MCHR1: variants seen among roughly 807,000 people sequenced by gnomAD.
The protein encoded by MCHR1 is melanin concentrating hormone receptor 1.
MCHR1 carries 13 observed loss-of-function variants against 20.4 expected under a neutral mutation model. The ratio of observed to expected loss-of-function variants is 0.64; its 90% CI spans 0.41 to 1.01. The LOEUF (loss-of-function observed/expected upper bound fraction) is 1.01, where lower values mean the gene tolerates loss of function less well. MCHR1 is among the 50% of genes least tolerant of loss of function. MCHR1 has a pLI of 0.00. For synonymous variants in MCHR1, 215 were observed against 204.4 expected (o/e 1.05, Z -0.44); for missense variants, 472 against 477.0 (o/e 0.99, Z 0.10).
chr22:40,680,191 G>A (rs2056871957), intron 1 of MCHR1: 1 of 228,946 alleles, frequency 4.4e-6, no homozygotes, highest in African/African-American at 2.3e-5. Context: ...AGACTTCACA[G>A]AGCCATGAGG....
In MCHR1 at chr22:40,681,094, C is replaced by A. The variant is rs148618462; in HGVS notation, c.228C>A (p.Asn76Lys). 4 of 1,614,166 alleles carry A rather than the reference C, an allele frequency of 2.5e-6. No homozygotes were observed. Among genetic ancestry groups the A allele is most frequent in the South Asian group, 1.1e-5 (1 of 91,076 alleles). The change falls in exon 2 of 2, where the codon AAC becomes AAA. Residue 76 changes from asparagine (N) to lysine (K), a missense_variant. By Grantham distance (94) the Asn-to-Lys change is moderately conservative. Coordinates refer to ENST00000249016, the MANE Select transcript of MCHR1 (RefSeq NM_005297.4). The surrounding 1 kb of genome is among the most constrained non-coding windows in gnomAD (Gnocchi z 4.3). ...VKKSKLHWCNNVPDIFIINLS... is the reference protein window; with the variant it reads ...VKKSKLHWCNKVPDIFIINLS... Reference sequence around the variant, plus strand: ...AGTCCAAGCTGCACTGGTGCAACAACGTCCCCGACATCTTCATCATCAACC... The same window carrying A: ...AGTCCAAGCTGCACTGGTGCAACAAAGTCCCCGACATCTTCATCATCAACC...
At chr22:40,679,962 CAGCCGTG>C in intron 1 of MCHR1, 1 of 605,732 alleles carries the variant, frequency 1.7e-6, no homozygotes, top group South Asian at 1.9e-5. Context: ...GAAGGGGGGC[CAGCCGTG>C]AGACAGCAGG....
rs1437250705 is a variant in MCHR1 at position 40,682,385 on chromosome 22, C to G, written c.*457C>G. The G allele has an allele frequency of 5.5e-6, 1 of 181,738 alleles. No individual in the cohort carries two copies. The highest frequency in any genetic ancestry group is 1.2e-5 in the Non-Finnish European group (1 of 84,256). The allele number at this position is 181,738 out of a possible 1,614,324, so 11.3% of individuals were successfully genotyped here. ...CGCTCTTTCCCGCCTCTCACTGGTGCGATGGAAGGTGGCCTTTCTCCCAAG... is the reference window on the plus strand; with the variant it reads ...CGCTCTTTCCCGCCTCTCACTGGTGGGATGGAAGGTGGCCTTTCTCCCAAG... On this transcript the variant is annotated 3_prime_UTR_variant, in exon 2 of 2. Coordinates refer to ENST00000249016, the MANE Select transcript of MCHR1 (RefSeq NM_005297.4).
rs2056884333 is a variant in MCHR1, at chr22:40,681,991, T to C, written c.*63T>C. ...CACCACAACACGCCACCGGGAGAGA[T>C]GCTGAGAAAAACCCAAGACCGCTCG... On this transcript the variant is annotated 3_prime_UTR_variant, in exon 2 of 2. Transcript: ENST00000249016. The surrounding 1 kb of genome is among the most constrained non-coding windows in gnomAD (Gnocchi z 4.3). 3 of 1,594,196 alleles carry C rather than the reference T, an allele frequency of 1.9e-6. No homozygotes were observed. Among genetic ancestry groups the C allele is most frequent in the South Asian group, 1.1e-5 (1 of 90,306 alleles).
rs1449404059 is a variant in MCHR1 at position 40,679,667 on chromosome 22, C to T, written c.15C>T (p.Ala5=). The change falls in exon 1 of 2, where the codon GCC becomes GCT. Residue 5 remains alanine (A), a synonymous_variant. Coordinates refer to ENST00000249016, the MANE Select transcript of MCHR1 (RefSeq NM_005297.4). ...GCACTGGCTGGATGGACCTGGAAGC[C>T]TCGCTGCTGCCCACTGGTCCCAACG... is the stretch of plus-strand genomic sequence containing the variant. MDLE[A]SLLPTGPNAS... The T allele has an allele frequency of 1.2e-6, 2 of 1,614,124 alleles. No homozygotes were observed. Among genetic ancestry groups the T allele is most frequent in the East Asian group, 2.2e-5 (1 of 44,882 alleles).
Position 40,681,136 on chromosome 22 carries a change from CCT to C in MCHR1, c.273_274del (p.Phe92SerfsTer34). On this transcript the variant is annotated frameshift_variant, in exon 2 of 2. Transcript: ENST00000249016. LOFTEE classifies it high-confidence loss of function. The surrounding 1 kb of genome is among the most constrained non-coding windows in gnomAD (Gnocchi z 4.3). ...TCATCAACCTCTCGGTAGTAGATCT[CCT>C]CTTTCTCCTGGGCATGCCCTTCATG... ...FIINLSVVDLLFLLGMPFMIH... is the reference protein window; with the variant it reads ...FIINLSVVDLXFLLGMPFMIH... 1.2e-6 allele frequency: 2 copies of C among 1,614,004 alleles called. No homozygotes were observed. Among genetic ancestry groups the C allele is most frequent in the Non-Finnish European group, 8.5e-7 (1 of 1,179,990 alleles).
chr22:40,681,982 CG>C lies in MCHR1; in HGVS notation c.*57del. On this transcript the variant is annotated 3_prime_UTR_variant, in exon 2 of 2. Transcript: ENST00000249016. The surrounding 1 kb of genome is among the most constrained non-coding windows in gnomAD (Gnocchi z 4.3). The stretch of plus-strand genomic sequence containing the variant: ...AAGTCAGGGCACCACAACACGCCAC[CG>C]GGAGAGATGCTGAGAAAAACCCAAG... The C allele has an allele frequency of 6.3e-7, 1 of 1,596,592 alleles. No individual in the cohort carries two copies.
Position 40,680,989 on chromosome 22 carries a change from C to T in MCHR1, c.123C>T (p.Ile41=), listed in dbSNP as rs2056876485. 3 of 1,614,070 alleles carry T rather than the reference C, an allele frequency of 1.9e-6. No homozygotes were observed. Among genetic ancestry groups the T allele is most frequent in the African/African-American group, 2.7e-5 (2 of 74,916 alleles). Residue 41 remains isoleucine, a synonymous_variant, in exon 2 of 2, where the codon ATC becomes ATT. Coordinates refer to ENST00000249016, the MANE Select transcript of MCHR1 (RefSeq NM_005297.4). ...PRTGSISYIN[I]IMPSVFGTIC... ...CGGGGAGCATCTCCTACATCAACAT[C>T]ATCATGCCTTCGGTGTTCGGCACCA... is the stretch of plus-strand genomic sequence containing the variant.
Position 40,681,214 on chromosome 22 carries a change from C to T in MCHR1, c.348C>T (p.Cys116=). ...TGTGGCACTTTGGGGAGACCATGTG[C>T]ACCCTCATCACGGCCATGGATGCCA... ...NGVWHFGETM[C]TLITAMDANS... The change falls in exon 2 of 2, where the codon TGC becomes TGT. Residue 116 remains cysteine (C), a synonymous_variant. Coordinates refer to ENST00000249016, the MANE Select transcript of MCHR1 (RefSeq NM_005297.4). This position sits in a 1 kb window ranked among gnomAD's most constrained non-coding sequence, Gnocchi z 4.3. 1.2e-6 allele frequency: 2 copies of T among 1,614,160 alleles called. No individual in the cohort carries two copies. Among genetic ancestry groups the T allele is most frequent in the Non-Finnish European group, 1.7e-6 (2 of 1,180,042 alleles).
chr22:40,680,970 G>T lies in MCHR1; in HGVS notation c.104G>T (p.Ser35Ile). ...TSAGSPPRTG[S>I]ISYINIIMPS... is the part of the protein sequence containing the mutation. ...CCAGGATCACCTCCTCGCACGGGGAGCATCTCCTACATCAACATCATCATG... is the reference window on the plus strand; with the variant it reads ...CCAGGATCACCTCCTCGCACGGGGATCATCTCCTACATCAACATCATCATG... The change falls in exon 2 of 2, where the codon AGC (serine) becomes ATC (isoleucine). Residue 35 changes from serine (S) to isoleucine (I), a missense_variant. Ser to Ile is a moderately radical substitution (Grantham distance 142). Transcript: ENST00000249016. 6.2e-7 allele frequency: 1 copy of T among 1,614,100 alleles called. No homozygotes were observed. Among genetic ancestry groups the T allele is most frequent in the Non-Finnish European group, 8.5e-7 (1 of 1,180,026 alleles).
At chr22:40,680,653 C>G (rs911441183) in intron 1 of MCHR1, 2 of 517,902 alleles carry the variant, frequency 3.9e-6, no homozygotes, top group East Asian at 1.5e-4. Flanking sequence ...TGGTGAAGCC[C>G]GGGGCTCACA....
In MCHR1 at chr22:40,681,703, G is replaced by A. The variant is rs2056881964; in HGVS notation, c.837G>A (p.Gln279=). ...CCTACTATGTGCTACAGCTGACCCA[G>A]TTGTCCATCAGCCGCCCGACCCTCA... ...WAPYYVLQLT[Q]LSISRPTLTF... is the part of the protein sequence containing the mutation. Residue 279 remains glutamine (Q), a synonymous_variant, in exon 2 of 2, where the codon CAG becomes CAA. Transcript: ENST00000249016. The surrounding 1 kb of genome is among the most constrained non-coding windows in gnomAD (Gnocchi z 4.3). The A allele has an allele frequency of 6.2e-7, 1 of 1,614,268 alleles. No homozygotes were observed. Among genetic ancestry groups the A allele is most frequent in the East Asian group, 2.2e-5 (1 of 44,892 alleles).
chr22:40,681,337 C>T lies in MCHR1; in HGVS notation c.471C>T (p.Pro157=), dbSNP rs750570821. 6.8e-6 allele frequency: 11 copies of T among 1,614,084 alleles called. No individual in the cohort carries two copies. The highest frequency in any genetic ancestry group is 5.0e-5 in the Admixed American group (3 of 60,006). The change falls in exon 2 of 2, where the codon CCC becomes CCT. Residue 157 remains proline, a synonymous_variant. Coordinates refer to ENST00000249016, the MANE Select transcript of MCHR1 (RefSeq NM_005297.4). The surrounding 1 kb of genome is among the most constrained non-coding windows in gnomAD (Gnocchi z 4.3). Reference sequence around the variant, plus strand: ...TCTCTTCCACGAAGTTCCGGAAGCCCTCTGTGGCCACCCTGGTGATCTGCC... The same window carrying T: ...TCTCTTCCACGAAGTTCCGGAAGCCTTCTGTGGCCACCCTGGTGATCTGCC... ...HPISSTKFRK[P]SVATLVICLL... is the part of the protein sequence containing the mutation.
chr22:40,680,809 CA>C lies in MCHR1; in HGVS notation c.83-138del. ...GAGAAGGGAAAAGGGACAAGATTAG[CA>C]ACAGTGAAGGGAGGGAGAATGGTGG... On this transcript the variant is annotated intron_variant, in intron 1 of 1. Coordinates refer to ENST00000249016, the MANE Select transcript of MCHR1 (RefSeq NM_005297.4). 3.2e-6 allele frequency: 5 copies of C among 1,577,244 alleles called. No homozygotes were observed. The South Asian group carries it at 5.7e-5, about 18-fold the overall frequency.
rs1297788952 is a variant in MCHR1, at chr22:40,682,386, G to A, written c.*458G>A. The A allele has an allele frequency of 2.7e-5, 5 of 183,806 alleles. No individual in the cohort carries two copies. Among genetic ancestry groups the A allele is most frequent in the African/African-American group, 7.0e-5 (3 of 42,794 alleles). The allele number at this position is 183,806 out of a possible 1,614,324, so 11.4% of individuals were successfully genotyped here. ...GCTCTTTCCCGCCTCTCACTGGTGC[G>A]ATGGAAGGTGGCCTTTCTCCCAAGC... On this transcript the variant is annotated 3_prime_UTR_variant, in exon 2 of 2. Transcript: ENST00000249016.
chr22:40,680,967 G>A lies in MCHR1; in HGVS notation c.101G>A (p.Gly34Glu), dbSNP rs1424573279. ...LTSAGSPPRT[G>E]SISYINIIMP... Reference sequence around the variant, plus strand: ...TCCCCAGGATCACCTCCTCGCACGGGGAGCATCTCCTACATCAACATCATC... The same window carrying A: ...TCCCCAGGATCACCTCCTCGCACGGAGAGCATCTCCTACATCAACATCATC... The change falls in exon 2 of 2, where the codon GGG becomes GAG. Residue 34 changes from glycine (G) to glutamate (E), a missense_variant. Coordinates refer to ENST00000249016, the MANE Select transcript of MCHR1 (RefSeq NM_005297.4). 3 of 1,614,058 alleles carry A rather than the reference G, an allele frequency of 1.9e-6. No homozygotes were observed. In the South Asian group the frequency reaches 3.3e-5, roughly 18 times the overall value.
rs1460891818 is a variant in MCHR1, at chr22:40,680,859, G to T, written c.83-90G>T. 1.9e-6 allele frequency: 3 copies of T among 1,586,558 alleles called. 1 individual carries two copies. The highest frequency in any genetic ancestry group is 2.2e-5 in the South Asian group (2 of 90,290). ...GGGAGAGGATTCCAGATGAACGGTGGGTCGCTGGAGGCTGAGCATGCCAGC... is the reference window on the plus strand; with the variant it reads ...GGGAGAGGATTCCAGATGAACGGTGTGTCGCTGGAGGCTGAGCATGCCAGC... On this transcript the variant is annotated intron_variant, in intron 1 of 1. Coordinates refer to ENST00000249016, the MANE Select transcript of MCHR1 (RefSeq NM_005297.4).
Position 40,681,599 on chromosome 22 carries a change from C to T in MCHR1, c.733C>T (p.Arg245Cys), listed in dbSNP as rs774110717. Residue 245 changes from arginine to cysteine, a missense_variant, in exon 2 of 2, where the codon CGC (arginine) becomes TGC (cysteine). Arg to Cys is a radical substitution (Grantham distance 180). Transcript: ENST00000249016. The surrounding 1 kb of genome is among the most constrained non-coding windows in gnomAD (Gnocchi z 4.3). ...MTSSVAPASQ[R>C]SIRLRTKRVT... ...GTCCTCAGTGGCCCCCGCCTCCCAG[C>T]GCAGCATCCGGCTGCGGACAAAGAG... 1.1e-5 allele frequency: 18 copies of T among 1,613,962 alleles called. No homozygotes were observed. Among genetic ancestry groups the T allele is most frequent in the East Asian group, 4.5e-5 (2 of 44,898 alleles).
rs2056886014 is a variant in MCHR1, at chr22:40,682,374, T to A, written c.*446T>A. The A allele has an allele frequency of 5.3e-6, 1 of 188,540 alleles. No homozygotes were observed. The highest frequency in any genetic ancestry group is 1.1e-5 in the Non-Finnish European group (1 of 88,570). 11.7% of individuals were successfully genotyped at this position (188,540 alleles called of 1,614,324 possible). ...AAGGGCCCGATCGCTCTTTCCCGCC[T>A]CTCACTGGTGCGATGGAAGGTGGCC... On this transcript the variant is annotated 3_prime_UTR_variant, in exon 2 of 2. Transcript: ENST00000249016.
Sources: gnomAD v4.1 joint callset for allele counts on GRCh38, gnomAD v4.1.1 for gene constraint, Gnocchi (gnomAD v3.1) non-coding constraint, MANE v1.5 for transcripts, NCBI Gene and HGNC (gene_info 2026-07-23, HGNC 2026-07-21) for gene names.